The following LEMD3 variants were observed in gnomAD, a reference collection of about 807,000 sequenced individuals.
The protein encoded by LEMD3 is LEM domain containing 3.
A neutral mutation model predicts 95.2 loss-of-function variants in LEMD3; 33 were observed. The ratio of observed to expected loss-of-function variants is 0.35; its 90% CI spans 0.26 to 0.46. The LOEUF (loss-of-function observed/expected upper bound fraction) is 0.46, where lower values mean the gene tolerates loss of function less well. LEMD3 is among the 20% of genes least tolerant of loss of function. The probability of loss-of-function intolerance (pLI) is 1.00; values close to 1 mark genes in which losing one functional copy is unlikely to be tolerated. For missense variants in LEMD3, 1,210 were observed against 1,192.8 expected, an observed-to-expected ratio of 1.01 and a Z score of -0.21; for synonymous variants, 525 against 474.6, an observed-to-expected ratio of 1.11 and a Z score of -1.38.
At chr12:65,200,195 T>C (rs1167989260) in intron 1 of LEMD3, among the ~76,000 whole-genome samples, 1 of 152,088 alleles carries the variant, frequency 6.6e-6, no homozygotes, top group Non-Finnish European at 1.5e-5. Context: ...CTCTGATTGG[T>C]CACTTTCCAC....
intron 1 of LEMD3, among the ~76,000 whole-genome samples, chr12:65,175,161 G>A (rs529530067): frequency 1.3e-5 from 2 of 152,156 alleles, no homozygotes; most frequent in African/African-American, 2.4e-5. Flanking sequence ...AGACCTAAAC[G>A]CCTTGAGGGC....
chr12:65,197,629 C>T (rs1212628595), intron 1 of LEMD3, among the ~76,000 whole-genome samples: 1 of 152,084 alleles, frequency 6.6e-6, no homozygotes, highest in Non-Finnish European at 1.5e-5. Context: ...TCATCTGTGT[C>T]TGTTTTCTTC....
chr12:65,182,208 T>A (rs1327607617), intron 1 of LEMD3, among the ~76,000 whole-genome samples: 1 of 152,144 alleles, frequency 6.6e-6, no homozygotes, highest in Non-Finnish European at 1.5e-5. Flanking sequence ...TATCTTATCG[T>A]TAGCTACAGG....
chr12:65,188,990 T>C (rs1869153718), intron 1 of LEMD3, among the ~76,000 whole-genome samples: 1 of 152,148 alleles, frequency 6.6e-6, no homozygotes, highest in Admixed American at 6.6e-5. Context: ...ACTCCTGCAG[T>C]GGATGCCTGA....
chr12:65,226,866 G>C (rs1592455908), intron 4 of LEMD3, among the ~76,000 whole-genome samples: 1 of 152,124 alleles, frequency 6.6e-6, no homozygotes, highest in African/African-American at 2.4e-5. Flanking sequence ...TTCAATTTCT[G>C]TGTTTTCTAA....
chr12:65,246,703 G>A lies in LEMD3; in HGVS notation c.*378G>A, dbSNP rs951982173. 31 of 233,674 alleles carry A rather than the reference G, an allele frequency of 1.3e-4. No homozygotes were observed. Among genetic ancestry groups the A allele is most frequent in the Non-Finnish European group, 7.6e-5 (9 of 118,328 alleles). 14.5% of individuals were successfully genotyped at this position (233,674 alleles called of 1,614,324 possible). On this transcript the variant is annotated 3_prime_UTR_variant, in exon 13 of 13. Coordinates refer to ENST00000308330, the MANE Select transcript of LEMD3 (RefSeq NM_014319.5). Reference sequence around the variant, plus strand: ...CCATAATTTCTTGTGAACTAATGTTGTGAATTTTTGTATACAGTCACCTGC... The same window carrying A: ...CCATAATTTCTTGTGAACTAATGTTATGAATTTTTGTATACAGTCACCTGC...
At position 65,238,934 on chromosome 12, in the gene LEMD3, G is replaced by A. The variant is rs912133375; in HGVS notation, c.1921+120G>A. 1.6e-4 allele frequency: 136 copies of A among 859,984 alleles called. No homozygotes were observed. The African/African-American group carries it at 2.1e-3, about 13-fold the overall frequency. The allele number at this position is 859,984 out of a possible 1,614,324, so 53.3% of individuals were successfully genotyped here. ...GTTGCCACATAAGTCACAGCTAGAT[G>A]TCTTCACTAAATATAATAAAAATAA... On this transcript the variant is annotated intron_variant, in intron 6 of 12. Coordinates refer to ENST00000308330, the MANE Select transcript of LEMD3 (RefSeq NM_014319.5).
chr12:65,181,320 T>C (rs546083949), intron 1 of LEMD3, among the ~76,000 whole-genome samples: 1 of 152,292 alleles, frequency 6.6e-6, no homozygotes, highest in South Asian at 2.1e-4. Context: ...ATTCATTCAG[T>C]CACGCATTCA....
chr12:65,202,373 AT>A (rs202206449), intron 1 of LEMD3, among the ~76,000 whole-genome samples: 144 of 148,982 alleles, frequency 9.7e-4, no homozygotes, highest in African/African-American at 2.9e-3. Context: ...AGATCATGTG[AT>A]TTTTTTTTTC....
intron 1 of LEMD3, among the ~76,000 whole-genome samples, chr12:65,191,803 T>TGG (rs1869248310): frequency 1.3e-5 from 2 of 151,670 alleles, no homozygotes; most frequent in African/African-American, 4.8e-5. Flanking sequence ...TGCATGCCTG[T>TGG]GGTCCCGGTT....
chr12:65,183,726 T>C (rs372447790), intron 1 of LEMD3, among the ~76,000 whole-genome samples: 9 of 152,088 alleles, frequency 5.9e-5, no homozygotes, highest in African/African-American at 2.2e-4. Context: ...GGTAGGTGGG[T>C]GAGGTGTAGT....
At chr12:65,176,016 T>C (rs2136316449) in intron 1 of LEMD3, among the ~76,000 whole-genome samples, 1 of 152,282 alleles carries the variant, frequency 6.6e-6, no homozygotes, top group Admixed American at 6.5e-5. Flanking sequence ...CTGTTTCCTC[T>C]ATATCTTTTG....
At chr12:65,211,008 T>C (rs766487264) in intron 2 of LEMD3, 45 bp downstream of exon 2, 6 of 1,378,706 alleles carry the variant, frequency 4.4e-6, no homozygotes, top group Non-Finnish European at 5.2e-6. Context: ...TCATGTTTTA[T>C]ATGATAAAAG....
chr12:65,236,770 T>C (rs944895182), intron 4 of LEMD3, among the ~76,000 whole-genome samples: 2 of 152,132 alleles, frequency 1.3e-5, no homozygotes, highest in Admixed American at 6.6e-5. Flanking sequence ...AAGGTGTTGA[T>C]TAAAAGTATA....
chr12:65,194,218 A>C (rs1157228267), intron 1 of LEMD3, among the ~76,000 whole-genome samples: 2 of 152,170 alleles, frequency 1.3e-5, no homozygotes, highest in Non-Finnish European at 2.9e-5. Flanking sequence ...ACATACAAAA[A>C]GTTAGCCCAC....
rs1871098449 is a variant in LEMD3, at chr12:65,246,178, A to G, written c.2589A>G (p.Val863=). ...GSWFDGKLVT[V]KYLRLDRYHH... ...TTACAACAGGGAAATTGGTTACAGTAAAATATTTACGACTAGATAGATACC... is the reference window on the plus strand; with the variant it reads ...TTACAACAGGGAAATTGGTTACAGTGAAATATTTACGACTAGATAGATACC... The change falls in exon 13 of 13, where the codon GTA becomes GTG. Residue 863 remains valine, a synonymous_variant. Coordinates refer to ENST00000308330, the MANE Select transcript of LEMD3 (RefSeq NM_014319.5). The G allele has an allele frequency of 1.2e-6, 2 of 1,610,658 alleles. No individual in the cohort carries two copies. The highest frequency in any genetic ancestry group is 1.7e-6 in the Non-Finnish European group (2 of 1,177,544).
Position 65,245,640 on chromosome 12 carries a change from T to G in LEMD3, c.2388-29T>G, listed in dbSNP as rs375952348. ...AATTTTTACCGAGTAGGAATATGGT[T>G]GTTGATTTTTGTTTTCATTAACTTT... On this transcript the variant is annotated intron_variant, in intron 10 of 12. Coordinates refer to ENST00000308330, the MANE Select transcript of LEMD3 (RefSeq NM_014319.5). 2.8e-5 allele frequency: 41 copies of G among 1,461,862 alleles called. 1 individual carries two copies. The African/African-American group carries it at 3.5e-4, about 12-fold the overall frequency. 90.6% of individuals were successfully genotyped at this position (1,461,862 alleles called of 1,614,324 possible).
chr12:65,204,792 TA>T (rs914811192), intron 1 of LEMD3, among the ~76,000 whole-genome samples: 2 of 152,176 alleles, frequency 1.3e-5, no homozygotes, highest in Non-Finnish European at 2.9e-5. Context: ...ATATACTTCA[TA>T]AGGACTTGTT....
At chr12:65,231,906 G>A (rs1042275163) in intron 4 of LEMD3, among the ~76,000 whole-genome samples, 29 of 151,658 alleles carry the variant, frequency 1.9e-4, no homozygotes, top group East Asian at 1.9e-4. Context: ...TTCAAAAACC[G>A]TTGAATGATT....
Sources: allele counts gnomAD v4.1 joint callset (sites outside exome capture counted in the v4.1 genomes callset), GRCh38; gene constraint gnomAD v4.1.1; transcripts MANE v1.5; gene names NCBI Gene and HGNC (gene_info 2026-07-23, HGNC 2026-07-21).